DNAJC16: variants seen among roughly 807,000 people sequenced by gnomAD.
The protein encoded by DNAJC16 is dnaJ homolog subfamily C member 16.
Under a neutral mutation model 92.7 loss-of-function variants are expected in DNAJC16, and 76 were observed. The observed-to-expected ratio is 0.82, with a 90% CI of 0.68 to 0.99. The LOEUF is 0.99. Among genes scored for constraint, DNAJC16 ranks in the 50% least tolerant of loss-of-function variants. The pLI is 0.00. For synonymous variants in DNAJC16, 328 were observed against 358.7 expected, an observed-to-expected ratio of 0.91 and a Z score of 0.97; for missense variants, 869 against 942.4, an observed-to-expected ratio of 0.92 and a Z score of 1.02.
chr1:15,551,586 C>T (rs991296863), intron 7 of DNAJC16, among the ~76,000 whole-genome samples: 7 of 146,646 alleles, frequency 4.8e-5, no homozygotes, highest in Non-Finnish European at 1.0e-4. Flanking sequence ...GAGATTGGTT[C>T]ATCAAAGTGA....
At chr1:15,545,559 A>G (rs1638282782) in intron 5 of DNAJC16, among the ~76,000 whole-genome samples, 1 of 152,362 alleles carries the variant, frequency 6.6e-6, no homozygotes, top group Non-Finnish European at 1.5e-5. Flanking sequence ...GCTTCCTGGC[A>G]GAAGTGACCC....
At position 15,529,182 on chromosome 1, in the gene DNAJC16, T is replaced by C. The variant is rs1258821904; in HGVS notation, c.77T>C (p.Leu26Ser). The change falls in exon 2 of 15, where the codon TTG (leucine) becomes TCG (serine). Residue 26 changes from leucine (L) to serine (S), a missense_variant. Coordinates refer to ENST00000375847, the MANE Select transcript of DNAJC16 (RefSeq NM_015291.4). ...CTGATCCTGCAAATTCTGTCTGCGT[T>C]GGATTTTGACCCATACAGAGTCCTA... The part of the protein sequence containing the change: ...LVLILQILSA[L>S]DFDPYRVLGV... 4.1e-5 allele frequency: 66 copies of C among 1,614,026 alleles called. No individual in the cohort carries two copies. The highest frequency in any genetic ancestry group is 5.5e-5 in the Non-Finnish European group (65 of 1,180,000).
intron 9 of DNAJC16, 68 bp downstream of exon 9, chr1:15,562,393 C>T: frequency 2.7e-6 from 4 of 1,457,186 alleles, no homozygotes; most frequent in Non-Finnish European, 3.7e-6. Flanking sequence ...CTGTTTCCTT[C>T]TTCCTTGAGA....
chr1:15,536,000 AG>A (rs1263381723), intron 3 of DNAJC16, among the ~76,000 whole-genome samples: 1 of 150,984 alleles, frequency 6.6e-6, no homozygotes, highest in Non-Finnish European at 1.5e-5. Flanking sequence ...CCTGGCTTCA[AG>A]GGATCCTCCA....
At chr1:15,564,167 G>A (rs1188234567) in intron 10 of DNAJC16, 56 bp downstream of exon 10, 115 of 1,601,226 alleles carry the variant, frequency 7.2e-5, no homozygotes, top group Non-Finnish European at 9.3e-5. Flanking sequence ...AGTACACAGT[G>A]CTGGTGGCGG....
At position 15,567,187 on chromosome 1, in the gene DNAJC16, A is replaced by G. The variant is rs759059472; in HGVS notation, c.1867A>G (p.Met623Val). The change falls in exon 14 of 15, where the codon ATG (methionine) becomes GTG (valine). Residue 623 changes from methionine to valine, a missense_variant. Coordinates refer to ENST00000375847, the MANE Select transcript of DNAJC16 (RefSeq NM_015291.4). ...SNLVRLRPGH[M>V]NVVLILSNST... ...CTTGGTACGTCTGAGGCCAGGCCAC[A>G]TGAATGTGGTCCTCATCCTGTCGAA... 1.9e-6 allele frequency: 3 copies of G among 1,614,102 alleles called. No individual in the cohort carries two copies. The highest frequency in any genetic ancestry group is 1.1e-5 in the South Asian group (1 of 91,090).
chr1:15,561,636 A>G (rs1638693539), intron 8 of DNAJC16, among the ~76,000 whole-genome samples: 1 of 151,658 alleles, frequency 6.6e-6, no homozygotes, highest in South Asian at 2.1e-4. Flanking sequence ...GTGAGCCGAG[A>G]TCACACCACT....
chr1:15,534,795 G>A (rs1710742949), intron 3 of DNAJC16, among the ~76,000 whole-genome samples: 1 of 152,142 alleles, frequency 6.6e-6, no homozygotes, highest in South Asian at 2.1e-4. Flanking sequence ...TTCAGCTCTT[G>A]GAAAAACTGG....
At chr1:15,527,716 G>T (rs1190782015) in intron 1 of DNAJC16, among the ~76,000 whole-genome samples, 1 of 152,128 alleles carries the variant, frequency 6.6e-6, no homozygotes, top group Admixed American at 6.5e-5. Flanking sequence ...TTAAACGTTG[G>T]TCATCAGATT....
intron 3 of DNAJC16, among the ~76,000 whole-genome samples, chr1:15,534,978 C>T (rs182110408): frequency 4.9e-4 from 75 of 152,258 alleles, no homozygotes; most frequent in African/African-American, 1.6e-3. Flanking sequence ...AGTAATTTTC[C>T]AGTATGTCAG....
At chr1:15,556,587 ATAAT>A (rs1277657835) in intron 7 of DNAJC16, among the ~76,000 whole-genome samples, 7 of 152,228 alleles carry the variant, frequency 4.6e-5, no homozygotes, top group South Asian at 2.1e-4. Context: ...ATTAACTTAA[ATAAT>A]TTATCTGTAC....
At chr1:15,531,962 T>G (rs886123977) in intron 2 of DNAJC16, among the ~76,000 whole-genome samples, 3 of 152,270 alleles carry the variant, frequency 2.0e-5, no homozygotes, top group African/African-American at 7.2e-5. Context: ...GGAGCCTTCC[T>G]CTGATACATT....
chr1:15,556,051 T>C (rs1638563731), intron 7 of DNAJC16, among the ~76,000 whole-genome samples: 1 of 150,646 alleles, frequency 6.6e-6, no homozygotes. Flanking sequence ...CCTAGCACTT[T>C]TGGAGGCTGA....
At position 15,538,923 on chromosome 1, in the gene DNAJC16, G is replaced by T. The variant is rs10803390; in HGVS notation, c.574+2109G>T. 2.4e-4 allele frequency among the ~76,000 whole-genome samples: 37 copies of T among 152,086 alleles called. No homozygotes were observed. In the East Asian group the frequency reaches 5.8e-3, roughly 24 times the overall value. On this transcript the variant is annotated intron_variant, in intron 4 of 14. Coordinates refer to ENST00000375847, the MANE Select transcript of DNAJC16 (RefSeq NM_015291.4). The stretch of plus-strand genomic sequence containing the variant: ...AGCATGTTTGTATTTAGCCACATTC[G>T]AGTGGCGTGTTCTTCCAGTTGGCTC...
intron 8 of DNAJC16, chr1:15,560,143 T>C (rs972635953): frequency 2.6e-5 from 4 of 152,242 alleles, no homozygotes; most frequent in African/African-American, 9.7e-5. Context: ...CAGGGCACTT[T>C]AGCACCAAAT....
At chr1:15,558,115 C>T (rs957579880) in intron 7 of DNAJC16, among the ~76,000 whole-genome samples, 6 of 151,754 alleles carry the variant, frequency 4.0e-5, no homozygotes. Flanking sequence ...AAGTGATCCA[C>T]CTGCCTTGAC....
intron 4 of DNAJC16, among the ~76,000 whole-genome samples, chr1:15,542,674 C>A (rs1434406035): frequency 6.6e-6 from 1 of 152,244 alleles, no homozygotes; most frequent in Non-Finnish European, 1.5e-5. Flanking sequence ...TCTTACGGGA[C>A]TGAACCCTTC....
intron 5 of DNAJC16, among the ~76,000 whole-genome samples, chr1:15,545,697 G>T (rs961263218): frequency 6.6e-6 from 1 of 152,182 alleles, no homozygotes; most frequent in African/African-American, 2.4e-5. Flanking sequence ...CCCTGTGAGG[G>T]CCTCAGAGCA....
rs772918063 is a variant in DNAJC16, at chr1:15,536,538, G to A, written c.298G>A (p.Gly100Ser). The A allele has an allele frequency of 4.3e-6, 7 of 1,614,040 alleles. No homozygotes were observed. The South Asian group carries it at 4.4e-5, about 10-fold the overall frequency. ...DQYGDAGENQ[G>S]YQKQQQQREY... ...ATATGGAGACGCTGGAGAGAACCAG[G>A]GCTACCAGAAGCAGCAACAGCAGCG... The change falls in exon 4 of 15, where the codon GGC (glycine) becomes AGC (serine). Residue 100 changes from glycine (G) to serine (S), a missense_variant. Coordinates refer to ENST00000375847, the MANE Select transcript of DNAJC16 (RefSeq NM_015291.4).
Sources: gnomAD v4.1 joint callset for allele counts (sites outside exome capture counted in the v4.1 genomes callset) on GRCh38, gnomAD v4.1.1 for gene constraint, MANE v1.5 for transcripts, NCBI Gene and HGNC (gene_info 2026-07-23, HGNC 2026-07-21) for gene names.